The following PLXNB3 variants were observed in gnomAD, a reference collection of about 807,000 sequenced individuals.
PLXNB3 encodes plexin B3.
In PLXNB3, 80 loss-of-function variants were observed where a neutral mutation model predicts 125.7. The ratio of observed to expected loss-of-function variants is 0.64; its 90% CI spans 0.53 to 0.77. PLXNB3 has a LOEUF of 0.77. PLXNB3 is among the 30% of genes least tolerant of loss of function. The probability of loss-of-function intolerance (pLI) is 0.00; values close to 1 mark genes in which losing one functional copy is unlikely to be tolerated. For synonymous variants in PLXNB3, 954 were observed against 783.3 expected (o/e 1.22, Z -3.64); for missense variants, 1,836 against 1,729.3 (o/e 1.06, Z -1.09).
In PLXNB3 at chrX:153,776,226, A is replaced by AGGCCAGG; in HGVS notation, c.4729+13_4729+14insGCCAGGG. ...TGCCCTAGACCTTGGTGAGAGAGCC[A>AGGCCAGG]GCCCTGCCCACCCACCCCAGGGACC... is the stretch of plus-strand genomic sequence containing the variant. On this transcript the variant is annotated intron_variant, in intron 27 of 35. Coordinates refer to ENST00000361971, the MANE Select transcript of PLXNB3 (RefSeq NM_005393.3). The AGGCCAGG allele has an allele frequency of 8.8e-7, 1 of 1,141,330 alleles. No individual in the cohort carries two copies. The allele number at this position is 1,141,330 out of a possible 1,213,427, so 94.1% of individuals were successfully genotyped here. A position where few individuals can be genotyped will look rare whatever the true frequency, so the allele number is the denominator to read the frequency against.
chrX:153,770,527 G>A lies in PLXNB3; in HGVS notation c.1896-1G>A, dbSNP rs2091916169. 1 of 1,210,402 alleles carries A rather than the reference G, an allele frequency of 8.3e-7. No individual in the cohort carries two copies. Among genetic ancestry groups the A allele is most frequent in the Non-Finnish European group, 1.1e-6 (1 of 894,834 alleles). On this transcript the variant is annotated splice_acceptor_variant, in intron 9 of 35. Transcript: ENST00000361971. LOFTEE classifies it high-confidence loss of function. Reference sequence around the variant, plus strand: ...GTTGAGCAGCCACCCTGCCCCTCTAGGTGTCGCGCTTGCGTGGGCAGCATC... The same window carrying A: ...GTTGAGCAGCCACCCTGCCCCTCTAAGTGTCGCGCTTGCGTGGGCAGCATC...
chrX:153,771,914 G>A lies in PLXNB3; in HGVS notation c.2568G>A (p.Leu856=). Residue 856 remains leucine (L), a synonymous_variant, in exon 15 of 36, where the codon CTG becomes CTA. Transcript: ENST00000361971. ...AGGGAGGCTTGGCCCTCACCATCCT[G>A]GGCTCCAACCTGGGCCGGGCCTTCG... is the stretch of plus-strand genomic sequence containing the variant. ...PPEGGLALTI[L]GSNLGRAFAD... The A allele has an allele frequency of 8.3e-7, 1 of 1,209,644 alleles. No individual in the cohort carries two copies. Among genetic ancestry groups the A allele is most frequent in the Non-Finnish European group, 1.1e-6 (1 of 895,193 alleles).
rs61505003 is a variant in PLXNB3 at position 153,772,389 on chromosome X, A to T, written c.2775+102A>T. 4.3e-3 allele frequency: 2,662 copies of T among 617,756 alleles called. 38 individuals are homozygous for T. The African/African-American group carries it at 0.051, about 12-fold the overall frequency. The allele number at this position is 617,756 out of a possible 1,213,427, so 50.9% of individuals were successfully genotyped here. ...ATGTCAAGCTGGGTCTGCGGGGAGCAGGAAGCACCGCTGCATGTCTAGGAG... is the reference window on the plus strand; with the variant it reads ...ATGTCAAGCTGGGTCTGCGGGGAGCTGGAAGCACCGCTGCATGTCTAGGAG... On this transcript the variant is annotated intron_variant, in intron 16 of 35. Transcript: ENST00000361971.
Position 153,776,408 on chromosome X carries a change from C to T in PLXNB3, c.4782C>T (p.Thr1594=), listed in dbSNP as rs2091986626. Residue 1594 remains threonine (T), a synonymous_variant, in exon 28 of 36, where the codon ACC becomes ACT. Coordinates refer to ENST00000361971, the MANE Select transcript of PLXNB3 (RefSeq NM_005393.3). ...GHLTLSDEDL[T]SVTQNHWKRL... ...TGACCCTATCGGACGAAGACTTGAC[C>T]TCCGTGACCCAAAACCACTGGAAGA... 1 of 1,184,168 alleles carries T rather than the reference C, an allele frequency of 8.4e-7. No individual in the cohort carries two copies. The highest frequency in any genetic ancestry group is 1.1e-6 in the Non-Finnish European group (1 of 882,724).
chrX:153,767,037 A>G lies in PLXNB3; in HGVS notation c.210A>G (p.Ala70=), dbSNP rs782441980. 5 of 1,209,573 alleles carry G rather than the reference A, an allele frequency of 4.1e-6. No homozygotes were observed. The African/African-American group carries it at 7.0e-5, about 17-fold the overall frequency. The change falls in exon 3 of 36, where the codon GCA becomes GCG. Residue 70 remains alanine (A), a synonymous_variant. Coordinates refer to ENST00000361971, the MANE Select transcript of PLXNB3 (RefSeq NM_005393.3). ...APGRGTLYVG[A]VNRLFQLSPE... is the part of the protein sequence containing the mutation. The stretch of plus-strand genomic sequence containing the variant: ...GCCGAGGCACACTCTATGTCGGCGC[A>G]GTGAACCGCCTCTTCCAGCTCAGCC...
In PLXNB3 at chrX:153,777,815, G is replaced by C; in HGVS notation, c.5261+127G>C. On this transcript the variant is annotated intron_variant, in intron 31 of 35. Transcript: ENST00000361971. ...AACTTACAGGAAGATCTAGGGCCCA[G>C]GTCACCTAGGCCACCAGGCCAGCTT... is the stretch of plus-strand genomic sequence containing the variant. 26 of 1,065,928 alleles carry C rather than the reference G, an allele frequency of 2.4e-5. 1 individual carries two copies. In the South Asian group the frequency reaches 5.4e-4, roughly 22 times the overall value. The allele number at this position is 1,065,928 out of a possible 1,213,427, so 87.8% of individuals were successfully genotyped here.
intron 4 of PLXNB3, 59 bp from the exon 5 acceptor site, chrX:153,768,889 C>T: frequency 8.5e-7 from 1 of 1,174,483 alleles, no homozygotes; most frequent in South Asian, 1.9e-5. Context: ...GAGGGCGTGT[C>T]CCTGGAACAG....
At position 153,767,031 on chromosome X, in the gene PLXNB3, C is replaced by A; in HGVS notation, c.204C>A (p.Val68=). The part of the protein sequence containing the change: ...ALAPGRGTLY[V]GAVNRLFQLS... ...CACCTGGCCGAGGCACACTCTATGTCGGCGCAGTGAACCGCCTCTTCCAGC... is the reference window on the plus strand; with the variant it reads ...CACCTGGCCGAGGCACACTCTATGTAGGCGCAGTGAACCGCCTCTTCCAGC... Residue 68 remains valine (V), a synonymous_variant, in exon 3 of 36, where the codon GTC becomes GTA. Coordinates refer to ENST00000361971, the MANE Select transcript of PLXNB3 (RefSeq NM_005393.3). 8.3e-7 allele frequency: 1 copy of A among 1,210,933 alleles called. No individual in the cohort carries two copies. The highest frequency in any genetic ancestry group is 1.1e-6 in the Non-Finnish European group (1 of 895,489).
At chrX:153,765,090 C>G (rs2091842267) in intron 1 of PLXNB3, among the ~76,000 whole-genome samples, 1 of 113,127 alleles carries the variant, frequency 8.8e-6, no homozygotes, top group Admixed American at 9.2e-5. Flanking sequence ...TTCACAGGGA[C>G]CCGGGGAGCC....
rs1206688719 is a variant in PLXNB3 at position 153,777,179 on chromosome X, G to A, written c.4928-29G>A. 6.2e-6 allele frequency: 7 copies of A among 1,124,088 alleles called. No individual in the cohort carries two copies. In the African/African-American group the frequency reaches 7.3e-5, roughly 12 times the overall value. 92.6% of individuals were successfully genotyped at this position (1,124,088 alleles called of 1,213,427 possible). A position where few individuals can be genotyped will look rare whatever the true frequency, so the allele number is the denominator to read the frequency against. On this transcript the variant is annotated intron_variant, in intron 29 of 35. Transcript: ENST00000361971. The stretch of plus-strand genomic sequence containing the variant: ...TCCCAGGCCAGGGGCAGGGGGTATA[G>A]CCCTGAAGCCAGGCTCCTGTGCCCT...
intron 6 of PLXNB3, 44 bp downstream of exon 6, chrX:153,769,306 T>G: frequency 1.9e-6 from 2 of 1,045,123 alleles, no homozygotes; most frequent in Non-Finnish European, 2.6e-6. Context: ...ACGGGTGGTG[T>G]GTGCCACGAG....
chrX:153,770,224 G>C lies in PLXNB3; in HGVS notation c.1762G>C (p.Val588Leu). The C allele has an allele frequency of 2.5e-6, 3 of 1,211,195 alleles. No individual in the cohort carries two copies. The highest frequency in any genetic ancestry group is 3.3e-6 in the Non-Finnish European group (3 of 895,529). Residue 588 changes from valine to leucine, a missense_variant, in exon 8 of 36, where the codon GTG (valine) becomes CTG (leucine). Physicochemically the swap from Val to Leu is conservative, Grantham distance 32 (BLOSUM62 1). Transcript: ENST00000361971. Reference protein sequence around the residue: ...VACVTPPQDQVPLNPPGTDHV... With the variant: ...VACVTPPQDQLPLNPPGTDHV... ...CTGTGTCACCCCTCCCCAAGACCAG[G>C]TGCCACTTAACCCTCCAGGCACAGG...
In PLXNB3 at chrX:153,774,186, G is replaced by A; in HGVS notation, c.3520G>A (p.Gly1174Ser). ...GCTTAGGCTCCCATGTGTGTCCCAG[G>A]GCGAGGGCCTCAACCTGGGCATCAG... ...LKPGHVLDVE[G>S]EGLNLGISKE... is the part of the protein sequence containing the mutation. Residue 1174 changes from glycine (G) to serine (S), a missense_variant and splice_region_variant, in exon 21 of 36, where the codon GGC (glycine) becomes AGC (serine). By Grantham distance (56) the Gly-to-Ser change is moderately conservative (BLOSUM62 0). Coordinates refer to ENST00000361971, the MANE Select transcript of PLXNB3 (RefSeq NM_005393.3). The A allele has an allele frequency of 8.3e-7, 1 of 1,204,237 alleles. No individual in the cohort carries two copies. Among genetic ancestry groups the A allele is most frequent in the Non-Finnish European group, 1.1e-6 (1 of 894,781 alleles).
Position 153,767,875 on chromosome X carries a change from G to A in PLXNB3, c.1048G>A (p.Glu350Lys). 9.0e-7 allele frequency: 1 copy of A among 1,116,286 alleles called. No individual in the cohort carries two copies. The highest frequency in any genetic ancestry group is 1.2e-6 in the Non-Finnish European group (1 of 850,379). The allele number at this position is 1,116,286 out of a possible 1,213,427, so 92.0% of individuals were successfully genotyped here. ...CAGCGGCGCAGAGGAAGCCACCGTG[G>A]AGTACGGCGTCACGTCGCGCTGCGT... Reference protein sequence around the residue: ...GPSGAEEATVEYGVTSRCVTL... With the variant: ...GPSGAEEATVKYGVTSRCVTL... The change falls in exon 3 of 36, where the codon GAG (glutamate) becomes AAG (lysine). Residue 350 changes from glutamate (E) to lysine (K), a missense_variant. Transcript: ENST00000361971.
At chrX:153,771,123 G>A (rs377538620) in intron 12 of PLXNB3, 42 bp downstream of exon 12, 61 of 1,107,545 alleles carry the variant, frequency 5.5e-5, no homozygotes, top group East Asian at 9.0e-5. Context: ...CCAAGCTTCC[G>A]TAGACCCTCA....
Position 153,775,420 on chromosome X carries a change from A to AC in PLXNB3, c.4334+20dup. On this transcript the variant is annotated intron_variant, in intron 25 of 35. Transcript: ENST00000361971. Reference sequence around the variant, plus strand: ...GCTACGCAGGTTGGCCTTGACCTGGACCCGGTGGCGGGGGTGAGGGCTTGC... The same window carrying AC: ...GCTACGCAGGTTGGCCTTGACCTGGACCCCGGTGGCGGGGGTGAGGGCTTGC... 8.3e-7 allele frequency: 1 copy of AC among 1,199,348 alleles called. No homozygotes were observed. The highest frequency in any genetic ancestry group is 1.1e-6 in the Non-Finnish European group (1 of 888,314).
Position 153,771,616 on chromosome X carries a change from G to T in PLXNB3, c.2478G>T (p.Gly826=). The T allele has an allele frequency of 2.5e-6, 3 of 1,203,388 alleles. No homozygotes were observed. Among genetic ancestry groups the T allele is most frequent in the Non-Finnish European group, 2.2e-6 (2 of 892,562 alleles). The change falls in exon 14 of 36, where the codon GGG becomes GGT. Residue 826 remains glycine (G), a synonymous_variant. Transcript: ENST00000361971. ...GCTATGGGCCCTTGTGCCCGCCGGG[G>T]GCTGTGGAGCTGCTGTGTCCTGCGC... is the stretch of plus-strand genomic sequence containing the variant. The part of the protein sequence containing the change: ...ACRYGPLCPP[G]AVELLCPAPS...
Position 153,779,013 on chromosome X carries a change from G to C in PLXNB3, c.5704G>C (p.Val1902Leu), listed in dbSNP as rs1557065587. ...ACRLQQVAAL[V>L]ENKVTDL Reference sequence around the variant, plus strand: ...CCGCCTGCAGCAGGTCGCCGCCCTGGTGGAAAACAAAGTGACTGACCTGTG... The same window carrying C: ...CCGCCTGCAGCAGGTCGCCGCCCTGCTGGAAAACAAAGTGACTGACCTGTG... The change falls in exon 36 of 36, where the codon GTG becomes CTG. Residue 1902 changes from valine to leucine, a missense_variant. By Grantham distance (32) the Val-to-Leu change is conservative (BLOSUM62 1). Transcript: ENST00000361971. 1 of 1,194,132 alleles carries C rather than the reference G, an allele frequency of 8.4e-7. No homozygotes were observed. The highest frequency in any genetic ancestry group is 1.1e-6 in the Non-Finnish European group (1 of 886,688).
At position 153,776,504 on chromosome X, in the gene PLXNB3, C is replaced by A. The variant is rs201229512; in HGVS notation, c.4833+45C>A. On this transcript the variant is annotated intron_variant, in intron 28 of 35. Coordinates refer to ENST00000361971, the MANE Select transcript of PLXNB3 (RefSeq NM_005393.3). ...GAGGCAGGGCGGGGCTGGGGCGGGGCAGGGCGAGGCAGGGCAGGGCGGGGC... is the reference window on the plus strand; with the variant it reads ...GAGGCAGGGCGGGGCTGGGGCGGGGAAGGGCGAGGCAGGGCAGGGCGGGGC... The A allele has an allele frequency of 1.3e-3, 341 of 254,099 alleles. 1 individual carries two copies. The highest frequency in any genetic ancestry group is 4.5e-3 in the South Asian group (99 of 21,943). The allele number at this position is 254,099 out of a possible 1,213,427, so 20.9% of individuals were successfully genotyped here. A position where few individuals can be genotyped will look rare whatever the true frequency, so the allele number is the denominator to read the frequency against.
Sources: gnomAD v4.1 joint callset for allele counts (sites outside exome capture counted in the v4.1 genomes callset) on GRCh38, gnomAD v4.1.1 for gene constraint, MANE v1.5 for transcripts, NCBI Gene and HGNC (gene_info 2026-07-23, HGNC 2026-07-21) for gene names.